Variants in SPON1 observed in about 807,000 individuals in gnomAD.
SPON1 encodes spondin-1.
Under a neutral mutation model 111.7 loss-of-function variants are expected in SPON1, and 52 were observed. The observed-to-expected ratio is 0.47, with a 90% CI of 0.37 to 0.59. The LOEUF (loss-of-function observed/expected upper bound fraction) is 0.59, where lower values mean the gene tolerates loss of function less well. Ranked by LOEUF, SPON1 falls within the 20% of genes least tolerant of loss-of-function variation. The probability of loss-of-function intolerance (pLI) is 0.00; values close to 1 mark genes in which losing one functional copy is unlikely to be tolerated. For synonymous variants in SPON1, 410 were observed against 395.8 expected, an observed-to-expected ratio of 1.04 and a Z score of -0.43; for missense variants, 957 against 1,068.5, an observed-to-expected ratio of 0.90 and a Z score of 1.46.
chr11:14,216,667 GC>G (rs1220316585), intron 6 of SPON1, among the ~76,000 whole-genome samples: 2 of 152,138 alleles, frequency 1.3e-5, no homozygotes, highest in African/African-American at 4.8e-5. Context: ...GGCACCAGGG[GC>G]TGAACTTACT....
intron 5 of SPON1, among the ~76,000 whole-genome samples, chr11:14,107,501 G>C (rs1383097034): frequency 6.7e-6 from 1 of 149,004 alleles, no homozygotes; most frequent in Non-Finnish European, 1.5e-5. Flanking sequence ...AACATTTCTT[G>C]CATTCAGACC....
intron 6 of SPON1, among the ~76,000 whole-genome samples, chr11:14,216,071 G>T (rs1360328698): frequency 5.3e-5 from 8 of 152,196 alleles, no homozygotes; most frequent in Admixed American, 3.9e-4. Flanking sequence ...CATCAAGGTG[G>T]TTAAGAATAT....
chr11:14,087,506 G>A (rs959043057), intron 5 of SPON1, among the ~76,000 whole-genome samples: 22 of 152,174 alleles, frequency 1.4e-4, no homozygotes, highest in African/African-American at 4.6e-4. Flanking sequence ...TGTGGTCTGC[G>A]AGACTGTTTG....
chr11:14,174,282 G>A (rs1049879282), intron 6 of SPON1, among the ~76,000 whole-genome samples: 9 of 152,168 alleles, frequency 5.9e-5, no homozygotes, highest in African/African-American at 2.2e-4. Context: ...CTCCCATTTG[G>A]GGATGAGGAT....
At chr11:14,071,231 TTCTC>T (rs1322988591) in intron 3 of SPON1, among the ~76,000 whole-genome samples, 26 of 152,154 alleles carry the variant, frequency 1.7e-4, no homozygotes, top group Admixed American at 1.7e-3. Context: ...GAATATAAAA[TTCTC>T]TCAGGAGTTG....
chr11:14,234,490 T>C (rs1848840415), intron 6 of SPON1, among the ~76,000 whole-genome samples: 2 of 152,160 alleles, frequency 1.3e-5, no homozygotes, highest in South Asian at 4.1e-4. Flanking sequence ...GTGTGAGCAC[T>C]AAAAAGAACA....
At chr11:14,036,030 C>T (rs1848592060) in intron 2 of SPON1, among the ~76,000 whole-genome samples, 1 of 152,132 alleles carries the variant, frequency 6.6e-6, no homozygotes, top group South Asian at 2.1e-4. Flanking sequence ...TGACCAGGGC[C>T]TTGGCAGGAG....
chr11:14,118,494 G>T (rs1472797845), intron 5 of SPON1, among the ~76,000 whole-genome samples: 1 of 152,192 alleles, frequency 6.6e-6, no homozygotes, highest in Non-Finnish European at 1.5e-5. Flanking sequence ...TGTTCTTTGT[G>T]TCTGAGATGA....
At chr11:13,979,221 C>G (rs1554909323) in intron 1 of SPON1, among the ~76,000 whole-genome samples, 5 of 152,134 alleles carry the variant, frequency 3.3e-5, no homozygotes, top group African/African-American at 1.2e-4. Context: ...CTTGTAAATG[C>G]ATGGCTCTAA....
intron 6 of SPON1, among the ~76,000 whole-genome samples, chr11:14,211,012 A>G (rs1018727530): frequency 2.0e-5 from 3 of 152,166 alleles, no homozygotes; most frequent in African/African-American, 7.2e-5. Flanking sequence ...GTAGACTTGT[A>G]GTATAGTTTG....
At chr11:14,161,269 C>CTATATATTTATATATT (rs1847958505) in intron 6 of SPON1, among the ~76,000 whole-genome samples, 5 of 17,018 alleles carry the variant, frequency 2.9e-4, no homozygotes, top group African/African-American at 8.5e-4. Context: ...ATTTATATAT[C>CTATATATTTATATATT]TGTATATCTA....
At chr11:14,011,572 C>A (rs1279439950) in intron 2 of SPON1, among the ~76,000 whole-genome samples, 1 of 152,226 alleles carries the variant, frequency 6.6e-6, no homozygotes, top group East Asian at 1.9e-4. Flanking sequence ...ACTTTCCATT[C>A]CTCTGCTAAA....
intron 2 of SPON1, among the ~76,000 whole-genome samples, chr11:13,997,393 C>T (rs1848281944): frequency 2.6e-5 from 4 of 152,226 alleles, no homozygotes; most frequent in African/African-American, 7.2e-5. Flanking sequence ...GTCAAGAAGT[C>T]TCTGAATTTA....
intron 6 of SPON1, among the ~76,000 whole-genome samples, chr11:14,227,598 T>G (rs1396118726): frequency 1.3e-5 from 2 of 152,220 alleles, no homozygotes; most frequent in Non-Finnish European, 2.9e-5. Context: ...CATTCTTTAT[T>G]GTTCGGCCTC....
rs762024314 is a variant in SPON1, at chr11:14,258,677, T to C, written c.1493-603T>C. 5.4e-4 allele frequency among the ~76,000 whole-genome samples: 83 copies of C among 152,382 alleles called. 1 individual carries two copies. Among genetic ancestry groups the C allele is most frequent in the Non-Finnish European group, 1.0e-3 (71 of 68,044 alleles). On this transcript the variant is annotated intron_variant, in intron 11 of 15. Transcript: ENST00000576479. ...ATGCAGGTCATTAATTCCTTGGCTCTGCCTAGAGGGAGGCTCTTAAACACC... is the reference window on the plus strand; with the variant it reads ...ATGCAGGTCATTAATTCCTTGGCTCCGCCTAGAGGGAGGCTCTTAAACACC...
chr11:14,257,755 C>T lies in SPON1; in HGVS notation c.1349C>T (p.Pro450Leu). Residue 450 changes from proline to leucine, a missense_variant, in exon 11 of 16, where the codon CCA becomes CTA. Around this residue, in one of 5 missense-constraint regions of SPON1, gnomAD observed 549 missense variants for 606.2 expected, o/e 0.91. Transcript: ENST00000576479. ...PETCIYSNWS[P>L]WSACSSSTCD... Reference sequence around the variant, plus strand: ...ACCTGCATCTACTCCAACTGGTCCCCATGGTCCGCCTGCAGCTCCTCCACC... The same window carrying T: ...ACCTGCATCTACTCCAACTGGTCCCTATGGTCCGCCTGCAGCTCCTCCACC... 6.2e-7 allele frequency: 1 copy of T among 1,613,300 alleles called. No homozygotes were observed. The highest frequency in any genetic ancestry group is 8.5e-7 in the Non-Finnish European group (1 of 1,179,672).
At chr11:14,071,100 G>A (rs1032853730) in intron 3 of SPON1, among the ~76,000 whole-genome samples, 3 of 152,004 alleles carry the variant, frequency 2.0e-5, no homozygotes, top group Admixed American at 6.6e-5. Flanking sequence ...TGCTAAGGGA[G>A]TTCTTACTAA....
At chr11:14,012,355 G>A (rs782645312) in intron 2 of SPON1, among the ~76,000 whole-genome samples, 2 of 152,188 alleles carry the variant, frequency 1.3e-5, no homozygotes, top group Non-Finnish European at 2.9e-5. Flanking sequence ...CTGAGACTGT[G>A]CCACAGCAGG....
At chr11:14,059,346 G>A (rs1037526275) in intron 3 of SPON1, among the ~76,000 whole-genome samples, 5 of 152,152 alleles carry the variant, frequency 3.3e-5, no homozygotes, top group Non-Finnish European at 7.4e-5. Flanking sequence ...TGAGCTGTTC[G>A]GGATGGAAAC....
Sources: allele counts gnomAD v4.1 joint callset (sites outside exome capture counted in the v4.1 genomes callset), GRCh38; gene constraint gnomAD v4.1.1; regional missense constraint gnomAD v4.1.1; transcripts MANE v1.5; gene names NCBI Gene and HGNC (gene_info 2026-07-23, HGNC 2026-07-21).